The following DGKI variants were observed in gnomAD, a reference collection of about 807,000 sequenced individuals.
DGKI encodes the protein DAG kinase iota.
In DGKI, 55 loss-of-function variants were observed where a neutral mutation model predicts 147.5. The observed-to-expected ratio is 0.37, with a 90% CI of 0.30 to 0.47. DGKI has a LOEUF of 0.47. Ranked by LOEUF, DGKI falls within the 20% of genes least tolerant of loss-of-function variation. The pLI, the probability that DGKI is intolerant of heterozygous loss-of-function variation, is 1.00. For synonymous variants in DGKI, 469 were observed against 477.1 expected (o/e 0.98, Z 0.22); for missense variants, 1,007 against 1,323.8 (o/e 0.76, Z 3.71).
chr7:137,668,262 G>A (rs1822713134), intron 3 of DGKI, among the ~76,000 whole-genome samples: 1 of 152,132 alleles, frequency 6.6e-6, no homozygotes, highest in African/African-American at 2.4e-5. Context: ...TGCCAAGATG[G>A]CAAAAAGCAG....
chr7:137,453,470 GC>G (rs928622154), intron 27 of DGKI, among the ~76,000 whole-genome samples: 3 of 152,194 alleles, frequency 2.0e-5, no homozygotes, highest in African/African-American at 7.2e-5. Flanking sequence ...CTCTTTGTTT[GC>G]TTTTGGTCCT....
intron 1 of DGKI, among the ~76,000 whole-genome samples, chr7:137,703,942 C>T (rs539416728): frequency 1.1e-3 from 166 of 152,190 alleles, no homozygotes; most frequent in African/African-American, 3.5e-3. Context: ...CAGGCACAGT[C>T]GCTCACACCT....
chr7:137,561,188 C>T (rs890191605), intron 19 of DGKI, among the ~76,000 whole-genome samples: 2 of 146,600 alleles, frequency 1.4e-5, no homozygotes, highest in African/African-American at 2.5e-5. Context: ...TGTCCAACAA[C>T]AAAAAATAAA....
At chr7:137,403,599 AAAC>A (rs142710325) in intron 30 of DGKI, among the ~76,000 whole-genome samples, 2,223 of 152,316 alleles carry the variant, frequency 0.015, 25 homozygotes, top group Non-Finnish European at 0.02. Flanking sequence ...CAAGAGCCAC[AAAC>A]AACATCAGCT....
chr7:137,498,510 A>AC (rs1816052617), intron 21 of DGKI, among the ~76,000 whole-genome samples: 1 of 152,162 alleles, frequency 6.6e-6, no homozygotes, highest in Non-Finnish European at 1.5e-5. Flanking sequence ...AGTACTGGGG[A>AC]CAAAAGGAAG....
chr7:137,539,997 A>AT (rs1451684295), intron 20 of DGKI, among the ~76,000 whole-genome samples: 19 of 152,214 alleles, frequency 1.2e-4, no homozygotes, highest in Admixed American at 3.9e-4. Context: ...AAATGGACCA[A>AT]TTCCTCAAAT....
chr7:137,560,075 C>T (rs974656506), intron 19 of DGKI, among the ~76,000 whole-genome samples: 8 of 152,062 alleles, frequency 5.3e-5, no homozygotes. Context: ...CACACTAAGT[C>T]ACAACGAAAC....
chr7:137,627,383 CT>C (rs1820980332), intron 6 of DGKI, among the ~76,000 whole-genome samples: 1 of 152,190 alleles, frequency 6.6e-6, no homozygotes, highest in South Asian at 2.1e-4. Flanking sequence ...TCTTAGCAAA[CT>C]GGCATAGTTC....
At chr7:137,627,223 T>C (rs1820973710) in intron 6 of DGKI, among the ~76,000 whole-genome samples, 3 of 152,228 alleles carry the variant, frequency 2.0e-5, no homozygotes, top group Admixed American at 2.0e-4. Flanking sequence ...CTCAACTCAC[T>C]GTGACCTCTC....
chr7:137,830,346 G>C (rs556862481), intron 1 of DGKI, among the ~76,000 whole-genome samples: 1 of 152,274 alleles, frequency 6.6e-6, no homozygotes, highest in East Asian at 1.9e-4. Context: ...GGAGCAGATG[G>C]GGACAGAAAC....
chr7:137,429,223 G>C (rs903034071), intron 28 of DGKI, among the ~76,000 whole-genome samples: 23 of 151,468 alleles, frequency 1.5e-4, no homozygotes, highest in African/African-American at 5.3e-4. Context: ...CAATGGAACA[G>C]AACAGGGCCC....
At chr7:137,607,164 A>G (rs922323526) in intron 10 of DGKI, among the ~76,000 whole-genome samples, 5 of 152,198 alleles carry the variant, frequency 3.3e-5, no homozygotes, top group Non-Finnish European at 5.9e-5. Flanking sequence ...TGCATAACTA[A>G]GTAGTACCCA....
chr7:137,444,244 C>T (rs1813624914), intron 27 of DGKI, 142 bp from the exon 28 acceptor site: 3 of 558,582 alleles, frequency 5.4e-6, no homozygotes, highest in Admixed American at 4.0e-5. Context: ...GTGTTGATTG[C>T]ATGGTATATT....
At chr7:137,549,487 AACACAC>A (rs138316106) in intron 20 of DGKI, among the ~76,000 whole-genome samples, 1 of 151,364 alleles carries the variant, frequency 6.6e-6, no homozygotes, top group African/African-American at 2.4e-5. Context: ...TCTTACTGGG[AACACAC>A]ACACACACAC....
At chr7:137,500,039 A>G (rs1029550123) in intron 21 of DGKI, among the ~76,000 whole-genome samples, 2 of 152,120 alleles carry the variant, frequency 1.3e-5, no homozygotes, top group African/African-American at 4.8e-5. Context: ...AAGCCATCCA[A>G]TGTATAGTAT....
In DGKI at chr7:137,617,124, CAAAAAAAAA is replaced by C. The variant is rs60654879; in HGVS notation, c.993+2691_993+2699del. ...TGTACTGCCAGTGTATCCCTTTTAC[CAAAAAAAAA>C]AAAAAAAAAAAAAAAAAAAATTAAA... On this transcript the variant is annotated intron_variant, in intron 8 of 32. Coordinates refer to ENST00000614521, the MANE Select transcript of DGKI (RefSeq NM_001321708.2). Among the ~76,000 whole-genome samples the C allele has an allele frequency of 6.0e-3, 288 of 48,134 alleles. 2 individuals carry two copies. The highest frequency in any genetic ancestry group is 0.012 in the African/African-American group (220 of 18,784). 31.6% of individuals were successfully genotyped at this position (48,134 alleles called of 152,430 possible). A position where few individuals can be genotyped will look rare whatever the true frequency, so the allele number is the denominator to read the frequency against.
intron 6 of DGKI, 57 bp downstream of exon 6, chr7:137,645,415 T>G (rs562397819): frequency 1.3e-6 from 2 of 1,493,446 alleles, no homozygotes; most frequent in East Asian, 2.3e-5. Flanking sequence ...TCTACCTCAG[T>G]TGCTTGCAGA....
chr7:137,514,219 G>A (rs182080897), intron 21 of DGKI, among the ~76,000 whole-genome samples: 47 of 151,994 alleles, frequency 3.1e-4, no homozygotes, highest in African/African-American at 8.0e-4. Context: ...CACCTCTTCC[G>A]CGGTTTTAGC....
At position 137,389,786 on chromosome 7, in the gene DGKI, C is replaced by T. The variant is rs1585067272; in HGVS notation, c.*1434G>A. On this transcript the variant is annotated 3_prime_UTR_variant, in exon 33 of 33. Transcript: ENST00000614521. The stretch of plus-strand genomic sequence containing the variant: ...GTTACAATTCTAACTATCTGACAGA[C>T]ATTTCTGGCTAGATTCCAATGGTGG... 6.6e-6 allele frequency: 1 copy of T among 152,246 alleles called. No individual in the cohort carries two copies. The highest frequency in any genetic ancestry group is 2.1e-4 in the South Asian group (1 of 4,814). The allele number at this position is 152,246 out of a possible 1,614,324, so 9.4% of individuals were successfully genotyped here. A position where few individuals can be genotyped will look rare whatever the true frequency, so the allele number is the denominator to read the frequency against.
Sources: gnomAD v4.1 joint callset for allele counts (sites outside exome capture counted in the v4.1 genomes callset) on GRCh38, gnomAD v4.1.1 for gene constraint, MANE v1.5 for transcripts, NCBI Gene and HGNC (gene_info 2026-07-23, HGNC 2026-07-21) for gene names.